CLASP2: variants seen among roughly 807,000 people sequenced by gnomAD.
CLASP2 encodes the protein CLIP-associating protein 2.
In CLASP2, 47 loss-of-function variants were observed where a neutral mutation model predicts 194.4. The observed-to-expected ratio is 0.24, with a 90% CI of 0.19 to 0.31. The LOEUF is 0.31. Among genes scored for constraint, CLASP2 ranks in the 10% least tolerant of loss-of-function variants. CLASP2 has a pLI of 1.00. For synonymous variants in CLASP2, 619 were observed against 633.5 expected (o/e 0.98, Z 0.34); for missense variants, 1,445 against 1,823.6 (o/e 0.79, Z 3.78).
intron 8 of CLASP2, among the ~76,000 whole-genome samples, chr3:33,632,847 A>T (rs1041331199): frequency 1.6e-4 from 25 of 152,362 alleles, no homozygotes; most frequent in Middle Eastern, 3.4e-3. Flanking sequence ...ACAATAAAAA[A>T]GTAAACTTAG....
chr3:33,514,691 G>A (rs2050787952), intron 36 of CLASP2: 1 of 367,426 alleles, frequency 2.7e-6, no homozygotes, highest in African/African-American at 2.1e-5. Context: ...TAGAAAAAAA[G>A]AAGTCATGAT....
chr3:33,686,548 C>T (rs1270360985), intron 5 of CLASP2, among the ~76,000 whole-genome samples: 1 of 152,134 alleles, frequency 6.6e-6, no homozygotes, highest in Admixed American at 6.5e-5. Context: ...ATCCCAAAAC[C>T]ATCCCTACCC....
chr3:33,607,005 A>G (rs2074008067), intron 15 of CLASP2, among the ~76,000 whole-genome samples: 1 of 152,244 alleles, frequency 6.6e-6, no homozygotes, highest in Non-Finnish European at 1.5e-5. Flanking sequence ...GTAAACCCCT[A>G]AGTGTCCAAA....
rs1199872879 is a variant in CLASP2, at chr3:33,626,903, T to C, written c.1035+85A>G. Reference sequence around the variant, plus strand: ...CTCTCTATTTTATAAGTGAATACCATATAGTACTACTACTGAATTTCCATG... The same window carrying C: ...CTCTCTATTTTATAAGTGAATACCACATAGTACTACTACTGAATTTCCATG... On this transcript the variant is annotated intron_variant, in intron 10 of 38. Transcript: ENST00000682230. 4 of 750,008 alleles carry C rather than the reference T, an allele frequency of 5.3e-6. No homozygotes were observed. In the African/African-American group the frequency reaches 8.5e-5, roughly 16 times the overall value. The allele number at this position is 750,008 out of a possible 1,614,324, so 46.5% of individuals were successfully genotyped here.
intron 6 of CLASP2, among the ~76,000 whole-genome samples, chr3:33,665,119 A>G (rs2085965806): frequency 6.6e-6 from 1 of 152,078 alleles, no homozygotes; most frequent in South Asian, 2.1e-4. Context: ...AAAAAAAGAA[A>G]GAAAGAAAGG....
At position 33,568,553 on chromosome 3, in the gene CLASP2, CAAAAA is replaced by C. The variant is rs568821764; in HGVS notation, c.2764-1824_2764-1820del. Among the ~76,000 whole-genome samples the C allele has an allele frequency of 1.4e-4, 8 of 56,840 alleles. 1 individual carries two copies. The highest frequency in any genetic ancestry group is 4.6e-4 in the African/African-American group (6 of 13,148). 37.3% of individuals were successfully genotyped at this position (56,840 alleles called of 152,430 possible). A position where few individuals can be genotyped will look rare whatever the true frequency, so the allele number is the denominator to read the frequency against. ...TGGGTGACAGAAAGAGATCTTGTCTCAAAAAAAAAAAAAAAAAAAAAATTACACAC... is the reference window on the plus strand; with the variant it reads ...TGGGTGACAGAAAGAGATCTTGTCTCAAAAAAAAAAAAAAAAATTACACAC... On this transcript the variant is annotated intron_variant, in intron 26 of 38. Transcript: ENST00000682230.
At chr3:33,695,714 A>G (rs575267198) in intron 2 of CLASP2, among the ~76,000 whole-genome samples, 1 of 152,234 alleles carries the variant, frequency 6.6e-6, no homozygotes, top group African/African-American at 2.4e-5. Context: ...CCGAGGTGAG[A>G]GGACTGCTTG....
chr3:33,556,941 T>C (rs752479507), intron 29 of CLASP2, among the ~76,000 whole-genome samples: 5 of 152,100 alleles, frequency 3.3e-5, no homozygotes, highest in Non-Finnish European at 7.4e-5. Flanking sequence ...CTGCAACTTA[T>C]TCTCTCTGAA....
At chr3:33,618,621 T>A (rs2154275984) in intron 12 of CLASP2, among the ~76,000 whole-genome samples, 1 of 152,226 alleles carries the variant, frequency 6.6e-6, no homozygotes, top group South Asian at 2.1e-4. Flanking sequence ...CACTCCTGCC[T>A]GGGTGACAGA....
At chr3:33,689,717 C>T in intron 3 of CLASP2, 112 bp downstream of exon 3, 1 of 635,754 alleles carries the variant, frequency 1.6e-6, no homozygotes, top group East Asian at 3.1e-5. Context: ...AACTTCTTAA[C>T]AGTATTAGCA....
chr3:33,531,700 G>A (rs542290733), intron 34 of CLASP2, among the ~76,000 whole-genome samples: 13 of 152,286 alleles, frequency 8.5e-5, no homozygotes, highest in African/African-American at 2.6e-4. Flanking sequence ...GTTTGAACCT[G>A]GGAGGTGGAG....
At chr3:33,614,397 C>T (rs2075743057) in intron 12 of CLASP2, among the ~76,000 whole-genome samples, 1 of 152,086 alleles carries the variant, frequency 6.6e-6, no homozygotes, top group South Asian at 2.1e-4. Flanking sequence ...AAGATCTGAG[C>T]CAATAAGACA....
At chr3:33,557,577 G>C (rs914802947) in intron 29 of CLASP2, among the ~76,000 whole-genome samples, 1 of 151,980 alleles carries the variant, frequency 6.6e-6, no homozygotes, top group African/African-American at 2.4e-5. Flanking sequence ...CACCACTACA[G>C]GTACCTATAT....
chr3:33,551,132 G>T, intron 30 of CLASP2, 120 bp downstream of exon 30: 1 of 759,974 alleles, frequency 1.3e-6, no homozygotes, highest in Non-Finnish European at 2.0e-6. Context: ...TTTTTAAAAA[G>T]CTCTTCATAA....
At chr3:33,556,708 A>G (rs962550065) in intron 29 of CLASP2, among the ~76,000 whole-genome samples, 48 of 152,142 alleles carry the variant, frequency 3.2e-4, no homozygotes, top group Non-Finnish European at 8.8e-5. Flanking sequence ...AAGTGCTGGG[A>G]TCACAGGCGT....
chr3:33,626,880 C>CTTATA, intron 10 of CLASP2, 108 bp downstream of exon 10: 3 of 633,502 alleles, frequency 4.7e-6, no homozygotes, highest in African/African-American at 3.7e-5. Context: ...CTATCAGACT[C>CTTATA]TCTATTTTAT....
At chr3:33,627,862 T>C (rs1434963815) in intron 9 of CLASP2, among the ~76,000 whole-genome samples, 3 of 152,166 alleles carry the variant, frequency 2.0e-5, no homozygotes, top group African/African-American at 7.2e-5. Flanking sequence ...TGGACAGATT[T>C]GCTTTCCCTG....
intron 21 of CLASP2, chr3:33,588,880 TA>T: frequency 1.7e-6 from 1 of 598,284 alleles, no homozygotes; most frequent in South Asian, 2.1e-5. Context: ...AAGCAAACTT[TA>T]AAAAATCCCA....
intron 6 of CLASP2, among the ~76,000 whole-genome samples, chr3:33,681,695 T>C (rs536565608): frequency 2.0e-5 from 3 of 152,294 alleles, no homozygotes; most frequent in African/African-American, 7.2e-5. Flanking sequence ...ATATAACATA[T>C]AGACTTTATT....
Sources: allele counts gnomAD v4.1 joint callset (sites outside exome capture counted in the v4.1 genomes callset), GRCh38; gene constraint gnomAD v4.1.1; transcripts MANE v1.5; gene names NCBI Gene and HGNC (gene_info 2026-07-23, HGNC 2026-07-21).